Variants in MANBA observed in about 807,000 individuals in gnomAD.
MANBA encodes mannosidase beta.
In MANBA, 83 loss-of-function variants were observed where a neutral mutation model predicts 111.1. The ratio of observed to expected loss-of-function variants is 0.75; its 90% confidence interval spans 0.63 to 0.90. The LOEUF (loss-of-function observed/expected upper bound fraction) is 0.90, where lower values mean the gene tolerates loss of function less well. Ranked by LOEUF, MANBA falls within the 40% of genes least tolerant of loss-of-function variation. The pLI is 0.00. For synonymous variants in MANBA, 370 were observed against 378.7 expected, an observed-to-expected ratio of 0.98 and a Z score of 0.27; for missense variants, 1,036 against 1,069.0, an observed-to-expected ratio of 0.97 and a Z score of 0.43.
chr4:102,645,964 G>A lies in MANBA; in HGVS notation c.1869+4573C>T, dbSNP rs926486270. 4.6e-5 allele frequency among the ~76,000 whole-genome samples: 7 copies of A among 152,066 alleles called. No individual in the cohort carries two copies. In the East Asian group the frequency reaches 9.6e-4, roughly 21 times the overall value. The stretch of plus-strand genomic sequence containing the variant: ...AACACCATTATTGCAACTGTGAAGG[G>A]ATAGAATATTACAGTTTAAAAAGCA... On this transcript the variant is annotated intron_variant, in intron 13 of 16. Transcript: ENST00000647097.
At chr4:102,697,195 C>T (rs1732755730) in intron 5 of MANBA, among the ~76,000 whole-genome samples, 2 of 152,080 alleles carry the variant, frequency 1.3e-5, no homozygotes, top group South Asian at 2.1e-4. Context: ...AACCTACCCT[C>T]TCTATGGGTA....
At chr4:102,727,434 CA>C in intron 1 of MANBA, 1 of 1,259,232 alleles carries the variant, frequency 7.9e-7, no homozygotes, top group Non-Finnish European at 1.2e-6. Flanking sequence ...TGGTATAGGC[CA>C]ATTGCACATG....
At chr4:102,675,612 A>C (rs970509166) in intron 7 of MANBA, among the ~76,000 whole-genome samples, 8 of 152,234 alleles carry the variant, frequency 5.3e-5, no homozygotes, top group African/African-American at 1.9e-4. Context: ...GTTTCACAGC[A>C]ATATTTTTAA....
chr4:102,760,580 C>G, intron 1 of MANBA, 138 bp downstream of exon 1: 1 of 986,728 alleles, frequency 1.0e-6, no homozygotes, highest in Non-Finnish European at 1.4e-6. Flanking sequence ...CCCCGCAGAT[C>G]ACAAGATGCA....
At chr4:102,696,974 C>T (rs1732739705) in intron 5 of MANBA, among the ~76,000 whole-genome samples, 1 of 152,112 alleles carries the variant, frequency 6.6e-6, no homozygotes, top group Admixed American at 6.6e-5. Flanking sequence ...AATGTTGGCC[C>T]ACAGTTAGTT....
At chr4:102,691,619 C>T (rs1020231960) in intron 5 of MANBA, among the ~76,000 whole-genome samples, 12 of 151,826 alleles carry the variant, frequency 7.9e-5, no homozygotes, top group African/African-American at 2.7e-4. Flanking sequence ...AATCCTCCTG[C>T]CTCAGCCTTC....
rs182869272 is a variant in MANBA at position 102,632,224 on chromosome 4, C to A, written c.2473G>T (p.Ala825Ser). Residue 825 changes from alanine (A) to serine (S), a missense_variant, in exon 17 of 17, where the codon GCT becomes TCT. By Grantham distance (99) the Ala-to-Ser change is moderately conservative. Transcript: ENST00000647097. The stretch of plus-strand genomic sequence containing the variant: ...CCTACATCCAACCAAACAAAGGGAG[C>A]GACAGCTGAGGTCTCCAGGTCAAAA... ...FVFDLETSAV[A>S]PFVWLDVGSI... 1.0e-4 allele frequency: 168 copies of A among 1,613,666 alleles called. No individual in the cohort carries two copies. The East Asian group carries it at 3.3e-3, about 31-fold the overall frequency.
At chr4:102,663,247 T>C (rs551813515) in intron 11 of MANBA, among the ~76,000 whole-genome samples, 2 of 152,046 alleles carry the variant, frequency 1.3e-5, no homozygotes, top group African/African-American at 4.8e-5. Flanking sequence ...TTAGTCCACA[T>C]AACAGCTCTT....
chr4:102,686,007 A>G (rs975988495), intron 7 of MANBA, among the ~76,000 whole-genome samples: 3 of 152,196 alleles, frequency 2.0e-5, no homozygotes, highest in Non-Finnish European at 2.9e-5. Flanking sequence ...TTCCTGGAAC[A>G]GCAAGATATT....
At chr4:102,673,235 G>A (rs767609388) in intron 8 of MANBA, among the ~76,000 whole-genome samples, 3 of 152,144 alleles carry the variant, frequency 2.0e-5, no homozygotes, top group Non-Finnish European at 4.4e-5. Flanking sequence ...GGGTTGGCCC[G>A]GTGGCTTACG....
intron 1 of MANBA, chr4:102,730,201 C>A (rs1026438951): frequency 1.5e-6 from 1 of 657,810 alleles, no homozygotes; most frequent in Non-Finnish European, 2.5e-6. Context: ...GCAGGAAGGC[C>A]GAACCAGATA....
At chr4:102,717,416 G>T (rs1294827862) in intron 4 of MANBA, among the ~76,000 whole-genome samples, 1 of 150,056 alleles carries the variant, frequency 6.7e-6, no homozygotes, top group Non-Finnish European at 1.5e-5. Flanking sequence ...ACTGTGAGCA[G>T]GCAGGAACTT....
At chr4:102,695,408 C>A in intron 5 of MANBA, among the ~76,000 whole-genome samples, 1 of 152,162 alleles carries the variant, frequency 6.6e-6, no homozygotes, top group Admixed American at 6.6e-5. Context: ...TACTCCCAAA[C>A]TATACACTGA....
chr4:102,757,961 C>A (rs1243496315), intron 1 of MANBA, among the ~76,000 whole-genome samples: 2 of 152,222 alleles, frequency 1.3e-5, no homozygotes, highest in African/African-American at 2.4e-5. Flanking sequence ...CAAGCTCGTG[C>A]CTGCCTCAGG....
chr4:102,740,575 A>G (rs571851855), intron 1 of MANBA, among the ~76,000 whole-genome samples: 1 of 152,358 alleles, frequency 6.6e-6, no homozygotes, highest in African/African-American at 2.4e-5. Flanking sequence ...CAAAAACAGC[A>G]TGCTACAAGT....
intron 5 of MANBA, among the ~76,000 whole-genome samples, chr4:102,709,226 GGAAAGGAAAAAA>G (rs1312880426): frequency 7.1e-6 from 1 of 140,238 alleles, no homozygotes; most frequent in Non-Finnish European, 1.5e-5. Context: ...GAAAAGGAAA[GGAAAGGAAAAAA>G]GAAAGGAAGA....
Position 102,719,434 on chromosome 4 carries a change from C to T in MANBA, c.549+3437G>A, listed in dbSNP as rs183910965. Among the ~76,000 whole-genome samples, 58 of 152,260 alleles carry T rather than the reference C, an allele frequency of 3.8e-4. No individual in the cohort carries two copies. The Middle Eastern group carries it at 0.01, about 27-fold the overall frequency. On this transcript the variant is annotated intron_variant, in intron 4 of 16. Coordinates refer to ENST00000647097, the MANE Select transcript of MANBA (RefSeq NM_005908.4). ...TCATATTGTTCAAACACACATTTTA[C>T]AATCAGATTTCATATTGTTCAAACA...
In MANBA at chr4:102,633,786, C is replaced by CT. The variant is rs1729495329; in HGVS notation, c.2415+1001dup. Among the ~76,000 whole-genome samples the CT allele has an allele frequency of 3.3e-5, 5 of 149,806 alleles. 1 individual carries two copies. The South Asian group carries it at 1.1e-3, about 32-fold the overall frequency. ...TCCAGTACATAGTGGTTTTTTTTTT[C>CT]TTTTTTGGAAAAAAATATATGTAAG... On this transcript the variant is annotated intron_variant, in intron 16 of 16. Transcript: ENST00000647097.
rs569997475 is a variant in MANBA at position 102,639,805 on chromosome 4, C to T, written c.1922G>A (p.Arg641His). The T allele has an allele frequency of 6.8e-5, 109 of 1,614,060 alleles. No individual in the cohort carries two copies. Among genetic ancestry groups the T allele is most frequent in the Admixed American group, 3.3e-4 (20 of 60,008 alleles). ...CCCTTGCTGATCCACTATCTCGCTGCGACTACGGCGGTAGAATTCAGTTTC... is the reference window on the plus strand; with the variant it reads ...CCCTTGCTGATCCACTATCTCGCTGTGACTACGGCGGTAGAATTCAGTTTC... ...KTETEFYRRS[R>H]SEIVDQQGHT... is the part of the protein sequence containing the mutation. The change falls in exon 14 of 17, where the codon CGC becomes CAC. Residue 641 changes from arginine (R) to histidine (H), a missense_variant. Transcript: ENST00000647097.
Sources: allele counts gnomAD v4.1 joint callset (sites outside exome capture counted in the v4.1 genomes callset), GRCh38; gene constraint gnomAD v4.1.1; transcripts MANE v1.5; gene names NCBI Gene and HGNC (gene_info 2026-07-23, HGNC 2026-07-21).